Variants in DRAM1 observed in about 807,000 individuals in gnomAD.
The protein encoded by DRAM1 is DNA damage regulated autophagy modulator 1.
In DRAM1, 25 loss-of-function variants were observed where a neutral mutation model predicts 28.5. That is an observed-to-expected ratio of 0.88 (90% confidence interval 0.64 to 1.23). The LOEUF is 1.23. DRAM1 is among the 50% of genes most tolerant of loss of function. DRAM1 has a pLI of 0.00. For missense variants in DRAM1, 249 were observed against 299.2 expected (o/e 0.83, Z 1.24); for synonymous variants, 113 against 114.2 (o/e 0.99, Z 0.07).
chr12:101,889,122 A>G (rs1229742331), intron 1 of DRAM1, among the ~76,000 whole-genome samples: 1 of 152,138 alleles, frequency 6.6e-6, no homozygotes, highest in African/African-American at 2.4e-5. Flanking sequence ...ATTAAAAAAA[A>G]GTTTCATAGT....
intron 1 of DRAM1, among the ~76,000 whole-genome samples, chr12:101,890,601 A>G (rs1566121968): frequency 3.8e-5 from 3 of 79,490 alleles, no homozygotes; most frequent in African/African-American, 6.9e-5. Context: ...AACATGTTGT[A>G]TGTGTGAACA....
intron 1 of DRAM1, among the ~76,000 whole-genome samples, chr12:101,887,162 T>A (rs1483536187): frequency 1.1e-4 from 13 of 119,066 alleles, no homozygotes; most frequent in African/African-American, 1.7e-4. Context: ...AAAAAAAAAA[T>A]TGGTTAAATG....
intron 3 of DRAM1, among the ~76,000 whole-genome samples, chr12:101,904,388 C>CTTTTT (rs386377571): frequency 9.7e-6 from 1 of 102,998 alleles, no homozygotes; most frequent in Non-Finnish European, 2.0e-5. Flanking sequence ...TTCACATATT[C>CTTTTT]TTTTTTTTTT....
chr12:101,908,025 C>T (rs988252916), intron 3 of DRAM1, among the ~76,000 whole-genome samples, 161 bp from the exon 4 acceptor site: 1 of 152,156 alleles, frequency 6.6e-6, no homozygotes, highest in Non-Finnish European at 1.5e-5. Context: ...TTAATTTCAG[C>T]ACCTGGAGGG....
chr12:101,915,967 A>G (rs1014977264), intron 5 of DRAM1, among the ~76,000 whole-genome samples: 2 of 152,230 alleles, frequency 1.3e-5, no homozygotes, highest in Non-Finnish European at 2.9e-5. Context: ...GAGGGCAAGG[A>G]GAAGGCAGTT....
At chr12:101,901,036 T>G (rs1310024347) in intron 2 of DRAM1, among the ~76,000 whole-genome samples, 1 of 151,778 alleles carries the variant, frequency 6.6e-6, no homozygotes, top group African/African-American at 2.4e-5. Context: ...GAGTAATACA[T>G]GTACTATAAT....
chr12:101,890,864 C>CCT (rs1290704590), intron 1 of DRAM1, among the ~76,000 whole-genome samples: 16 of 151,766 alleles, frequency 1.1e-4, no homozygotes, highest in Non-Finnish European at 2.4e-4. Context: ...GATTCTCCTG[C>CCT]CTCAGCCTTC....
intron 1 of DRAM1, among the ~76,000 whole-genome samples, chr12:101,891,747 A>G (rs910162841): frequency 6.6e-5 from 10 of 152,342 alleles, no homozygotes; most frequent in South Asian, 2.1e-4. Context: ...AAAGTGCCTT[A>G]TTAGCAAGGA....
chr12:101,888,125 G>A (rs963963501), intron 1 of DRAM1, among the ~76,000 whole-genome samples: 1 of 151,860 alleles, frequency 6.6e-6, no homozygotes, highest in African/African-American at 2.4e-5. Flanking sequence ...AGCTAGAAAA[G>A]TATTATTATT....
At chr12:101,895,962 C>T (rs1873354696) in intron 1 of DRAM1, among the ~76,000 whole-genome samples, 1 of 152,120 alleles carries the variant, frequency 6.6e-6, no homozygotes, top group Non-Finnish European at 1.5e-5. Flanking sequence ...TCTTGGCTCA[C>T]TGCAACCTCT....
chr12:101,877,984 G>A lies in DRAM1; in HGVS notation c.131+64G>A, dbSNP rs1456514481. 5 of 1,370,968 alleles carry A rather than the reference G, an allele frequency of 3.6e-6. No homozygotes were observed. The African/African-American group carries it at 4.5e-5, about 12-fold the overall frequency. The allele number at this position is 1,370,968 out of a possible 1,614,324, so 84.9% of individuals were successfully genotyped here. A position where few individuals can be genotyped will look rare whatever the true frequency, so the allele number is the denominator to read the frequency against. On this transcript the variant is annotated intron_variant, in intron 1 of 6. Coordinates refer to ENST00000258534, the MANE Select transcript of DRAM1 (RefSeq NM_018370.3). This position sits in a 1 kb window ranked among gnomAD's most constrained non-coding sequence, Gnocchi z 4.1. ...CACAGGGACCACAGGGAGCGCTGCC[G>A]ACGGGGAGGGAAGGCGTCCGGACCC... is the stretch of plus-strand genomic sequence containing the variant.
At chr12:101,902,180 A>C (rs1163449969) in intron 3 of DRAM1, among the ~76,000 whole-genome samples, 2 of 152,226 alleles carry the variant, frequency 1.3e-5, no homozygotes, top group Non-Finnish European at 2.9e-5. Context: ...TCATAACAAC[A>C]AACATTTATT....
At chr12:101,889,828 T>A (rs553393645) in intron 1 of DRAM1, among the ~76,000 whole-genome samples, 5 of 150,720 alleles carry the variant, frequency 3.3e-5, no homozygotes, top group African/African-American at 1.2e-4. Flanking sequence ...TAATCCCAGC[T>A]ACTTGGGAGG....
In DRAM1 at chr12:101,921,300, C is replaced by T; in HGVS notation, c.*40C>T. 1 of 1,565,068 alleles carries T rather than the reference C, an allele frequency of 6.4e-7. No individual in the cohort carries two copies. The highest frequency in any genetic ancestry group is 8.8e-7 in the Non-Finnish European group (1 of 1,135,574). On this transcript the variant is annotated 3_prime_UTR_variant, in exon 7 of 7. Transcript: ENST00000258534. ...AGTCTCACTCAGTGAATGTCGCAGG[C>T]CATTTCTAAAAGTGCTACAGAGGAC...
intron 1 of DRAM1, among the ~76,000 whole-genome samples, chr12:101,887,534 TTTTC>T (rs1444095505): frequency 2.0e-5 from 3 of 151,160 alleles, no homozygotes; most frequent in African/African-American, 2.4e-5. Context: ...ACTTTTTTCT[TTTTC>T]TTTTTTTTTT....
intron 1 of DRAM1, among the ~76,000 whole-genome samples, chr12:101,880,356 C>T (rs553872990): frequency 8.0e-5 from 11 of 138,194 alleles, no homozygotes; most frequent in African/African-American, 2.2e-4. Flanking sequence ...GGTGCAATCT[C>T]GGCTCAGTGC....
intron 1 of DRAM1, among the ~76,000 whole-genome samples, chr12:101,896,786 CTTTTTCTTTTTTT>C (rs1230375059): frequency 6.6e-6 from 1 of 151,400 alleles, no homozygotes; most frequent in Non-Finnish European, 1.5e-5. Flanking sequence ...GTTCAGTTTT[CTTTTTCTTTTTTT>C]TTTTTGAGAC....
chr12:101,908,987 C>T (rs1026917341), intron 4 of DRAM1, among the ~76,000 whole-genome samples: 3 of 150,448 alleles, frequency 2.0e-5, no homozygotes, highest in East Asian at 2.0e-4. Context: ...TCAAGCTGGG[C>T]GTAGTGGCTC....
chr12:101,899,382 A>G lies in DRAM1; in HGVS notation c.199+1452A>G, dbSNP rs200224749. ...CAAATATATTCATTTGAAATAGTCT[A>G]TGTGAGCTCATGCCTGTAATTCTAG... On this transcript the variant is annotated intron_variant, in intron 2 of 6. Coordinates refer to ENST00000258534, the MANE Select transcript of DRAM1 (RefSeq NM_018370.3). Among the ~76,000 whole-genome samples the G allele has an allele frequency of 1.1e-4, 17 of 152,274 alleles. No individual in the cohort carries two copies. The East Asian group carries it at 1.3e-3, about 12-fold the overall frequency.
Sources: gnomAD v4.1 joint callset for allele counts (sites outside exome capture counted in the v4.1 genomes callset) on GRCh38, gnomAD v4.1.1 for gene constraint, Gnocchi (gnomAD v3.1) non-coding constraint, MANE v1.5 for transcripts, NCBI Gene and HGNC (gene_info 2026-07-23, HGNC 2026-07-21) for gene names.